Variants in KLHL29 observed in about 807,000 individuals in gnomAD.
The protein encoded by KLHL29 is kelch-like protein 29.
A neutral mutation model predicts 80.4 loss-of-function variants in KLHL29; 21 were observed. The ratio of observed to expected loss-of-function variants is 0.26; its 90% confidence interval spans 0.19 to 0.38. The LOEUF (loss-of-function observed/expected upper bound fraction) is 0.38, where lower values mean the gene tolerates loss of function less well. Among genes scored for constraint, KLHL29 ranks in the 10% least tolerant of loss-of-function variants. The pLI is 1.00. For synonymous variants in KLHL29, 511 were observed against 526.8 expected, an observed-to-expected ratio of 0.97 and a Z score of 0.41; for missense variants, 867 against 1,223.9, an observed-to-expected ratio of 0.71 and a Z score of 4.35.
At chr2:23,577,950 C>T (rs1176889529) in intron 3 of KLHL29, among the ~76,000 whole-genome samples, 2 of 152,100 alleles carry the variant, frequency 1.3e-5, no homozygotes, top group African/African-American at 4.8e-5. Context: ...CCTGTGCCAT[C>T]GAGGGACTCC....
Position 23,682,952 on chromosome 2 carries a change from G to A in KLHL29, c.941-1447G>A, listed in dbSNP as rs921343541. Among the ~76,000 whole-genome samples, 5 of 152,126 alleles carry A rather than the reference G, an allele frequency of 3.3e-5. No individual in the cohort carries two copies. Among genetic ancestry groups the A allele is most frequent in the African/African-American group, 7.2e-5 (3 of 41,414 alleles). ...CCCGATCCCTGAACATGCATGTGGC[G>A]TGTTCTCCAGGAGCCCCTCCCACCG... On this transcript the variant is annotated intron_variant, in intron 5 of 13. Transcript: ENST00000486442. The surrounding 1 kb of genome is among the most constrained non-coding windows in gnomAD (Gnocchi z 4.1).
At chr2:23,646,280 C>T (rs1289843751) in intron 5 of KLHL29, among the ~76,000 whole-genome samples, 1 of 152,230 alleles carries the variant, frequency 6.6e-6, no homozygotes, top group Non-Finnish European at 1.5e-5. Context: ...CCCGTGAACC[C>T]AGCTGTGCGT....
In KLHL29 at chr2:23,696,196, G is replaced by T; in HGVS notation, c.1924+63G>T. The T allele has an allele frequency of 6.6e-7, 1 of 1,511,480 alleles. No individual in the cohort carries two copies. The highest frequency in any genetic ancestry group is 8.9e-7 in the Non-Finnish European group (1 of 1,118,956). 93.6% of individuals were successfully genotyped at this position (1,511,480 alleles called of 1,614,324 possible). On this transcript the variant is annotated intron_variant, in intron 10 of 13. Transcript: ENST00000486442. This position sits in a 1 kb window ranked among gnomAD's most constrained non-coding sequence, Gnocchi z 5.5. ...GGGTCCCAAGGGGACTGCTCCCCAC[G>T]TCAGGGCTGAGGAAGGCCATGGCCC...
In KLHL29 at chr2:23,520,999, C is replaced by CCA. The variant is rs1553334468; in HGVS notation, c.-45-41152_-45-41151insAC. On this transcript the variant is annotated intron_variant, in intron 2 of 13. Transcript: ENST00000486442. ...TTTCATTTTACAAAGACCACCCCCC[C>CCA]CCCCGCTCCCCCTCAGGGGTGTTTC... 2.3e-4 allele frequency among the ~76,000 whole-genome samples: 34 copies of CCA among 147,742 alleles called. 1 individual carries two copies.
chr2:23,442,534 G>A (rs1348042129), intron 1 of KLHL29, among the ~76,000 whole-genome samples: 1 of 152,154 alleles, frequency 6.6e-6, no homozygotes, highest in African/African-American at 2.4e-5. Context: ...ATCCATGCAG[G>A]CTTTAGAGCC....
chr2:23,562,570 G>A lies in KLHL29; in HGVS notation c.285+89G>A. ...AGGCCAGCCCCACAGGCTCCTGTGGGGCAGCCTGTGCTCCACGCCCCGAGT... is the reference window on the plus strand; with the variant it reads ...AGGCCAGCCCCACAGGCTCCTGTGGAGCAGCCTGTGCTCCACGCCCCGAGT... On this transcript the variant is annotated intron_variant, in intron 3 of 13. Transcript: ENST00000486442. This position sits in a 1 kb window ranked among gnomAD's most constrained non-coding sequence, Gnocchi z 4.5. 1.5e-6 allele frequency: 2 copies of A among 1,342,890 alleles called. No homozygotes were observed. The highest frequency in any genetic ancestry group is 2.0e-6 in the Non-Finnish European group (2 of 999,994). 83.2% of individuals were successfully genotyped at this position (1,342,890 alleles called of 1,614,324 possible). A position where few individuals can be genotyped will look rare whatever the true frequency, so the allele number is the denominator to read the frequency against.
At chr2:23,673,460 T>TAC (rs1051713536) in intron 5 of KLHL29, among the ~76,000 whole-genome samples, 1 of 142,814 alleles carries the variant, frequency 7.0e-6, no homozygotes, top group Non-Finnish European at 1.5e-5. Context: ...CTCTCACACA[T>TAC]ACACACATGG....
chr2:23,514,256 G>A (rs1665859728), intron 2 of KLHL29, among the ~76,000 whole-genome samples: 1 of 152,160 alleles, frequency 6.6e-6, no homozygotes, highest in Non-Finnish European at 1.5e-5. Context: ...CTGAGGAGCT[G>A]GGCATCAGGC....
chr2:23,696,861 C>G lies in KLHL29; in HGVS notation c.2105+348C>G, dbSNP rs1671992592. Reference sequence around the variant, plus strand: ...TCCTGGCCAGGCAGTCAGGGAACACCCTGCACCATGAGCACCAGCCCAGAG... The same window carrying G: ...TCCTGGCCAGGCAGTCAGGGAACACGCTGCACCATGAGCACCAGCCCAGAG... On this transcript the variant is annotated intron_variant, in intron 11 of 13. Coordinates refer to ENST00000486442, the MANE Select transcript of KLHL29 (RefSeq NM_052920.2). This position sits in a 1 kb window ranked among gnomAD's most constrained non-coding sequence, Gnocchi z 5.5. 4.6e-6 allele frequency: 1 copy of G among 215,760 alleles called. No individual in the cohort carries two copies. The allele number at this position is 215,760 out of a possible 1,614,324, so 13.4% of individuals were successfully genotyped here. A position where few individuals can be genotyped will look rare whatever the true frequency, so the allele number is the denominator to read the frequency against.
intron 2 of KLHL29, among the ~76,000 whole-genome samples, chr2:23,531,532 T>C (rs1159427568): frequency 2.6e-5 from 4 of 152,210 alleles, no homozygotes; most frequent in Non-Finnish European, 4.4e-5. Flanking sequence ...TTTATTGCAG[T>C]CTGCCCTGGG....
chr2:23,446,128 A>C (rs1375762518), intron 1 of KLHL29, among the ~76,000 whole-genome samples: 6 of 151,894 alleles, frequency 4.0e-5, no homozygotes, highest in Non-Finnish European at 4.4e-5. Flanking sequence ...CCTGGTGATT[A>C]AGGAACAGTC....
At chr2:23,401,230 C>T (rs1362915905) in intron 1 of KLHL29, among the ~76,000 whole-genome samples, 1 of 152,150 alleles carries the variant, frequency 6.6e-6, no homozygotes, top group Non-Finnish European at 1.5e-5. Context: ...TCAGGGTGGG[C>T]TGTGGTCACT....
chr2:23,632,390 TC>T (rs1163991973), intron 3 of KLHL29, among the ~76,000 whole-genome samples: 1 of 152,250 alleles, frequency 6.6e-6, no homozygotes, highest in African/African-American at 2.4e-5. Flanking sequence ...ACATGCTCAG[TC>T]CCCAACACCC....
At chr2:23,525,363 C>T (rs1014708775) in intron 2 of KLHL29, among the ~76,000 whole-genome samples, 1 of 152,228 alleles carries the variant, frequency 6.6e-6, no homozygotes, top group Non-Finnish European at 1.5e-5. Context: ...TCTTGTTTTC[C>T]GCTACACCAC....
chr2:23,665,158 G>T lies in KLHL29; in HGVS notation c.941-19241G>T, dbSNP rs543356880. ...GAAAAGTTGGACCAACAAGAACTAG[G>T]AGTGAGGACAGTGAGGCCAGCCTGT... On this transcript the variant is annotated intron_variant, in intron 5 of 13. Coordinates refer to ENST00000486442, the MANE Select transcript of KLHL29 (RefSeq NM_052920.2). Among the ~76,000 whole-genome samples the T allele has an allele frequency of 3.2e-4, 49 of 152,320 alleles. No homozygotes were observed. In the South Asian group the frequency reaches 0.01, roughly 32 times the overall value.
intron 2 of KLHL29, among the ~76,000 whole-genome samples, chr2:23,516,696 G>A (rs1665942945): frequency 6.6e-6 from 1 of 152,238 alleles, no homozygotes; most frequent in African/African-American, 2.4e-5. Context: ...CAGCTCATAG[G>A]CAAGGGGCTG....
At chr2:23,498,311 G>T (rs1227239862) in intron 2 of KLHL29, among the ~76,000 whole-genome samples, 4 of 152,236 alleles carry the variant, frequency 2.6e-5, no homozygotes, top group African/African-American at 4.8e-5. Flanking sequence ...TGAAGTGCCA[G>T]TGTAGACTCC....
chr2:23,391,827 A>G (rs1198574611), intron 1 of KLHL29, among the ~76,000 whole-genome samples: 4 of 152,266 alleles, frequency 2.6e-5, no homozygotes, highest in Middle Eastern at 3.2e-3. Flanking sequence ...ACTGTCCAAT[A>G]AAGAATGCAG....
intron 2 of KLHL29, among the ~76,000 whole-genome samples, chr2:23,498,037 A>T (rs1418592227): frequency 6.6e-6 from 1 of 152,224 alleles, no homozygotes; most frequent in Non-Finnish European, 1.5e-5. Flanking sequence ...AATGGTTATT[A>T]TAGTTAAGTG....
Sources: gnomAD v4.1 joint callset for allele counts (sites outside exome capture counted in the v4.1 genomes callset) on GRCh38, gnomAD v4.1.1 for gene constraint, Gnocchi (gnomAD v3.1) non-coding constraint, MANE v1.5 for transcripts, NCBI Gene and HGNC (gene_info 2026-07-23, HGNC 2026-07-21) for gene names.